The following RGS7 variants were observed in gnomAD, a reference collection of about 807,000 sequenced individuals.
RGS7 encodes the protein regulator of G-protein signaling 7.
Under a neutral mutation model 81.1 loss-of-function variants are expected in RGS7, and 27 were observed. The observed-to-expected ratio is 0.33, with a 90% CI of 0.25 to 0.46. The LOEUF is 0.46. Among genes scored for constraint, RGS7 ranks in the 20% least tolerant of loss-of-function variants. RGS7 has a pLI of 1.00. For synonymous variants in RGS7, 208 were observed against 207.7 expected (o/e 1.00, Z -0.01); for missense variants, 396 against 607.4 (o/e 0.65, Z 3.66).
At chr1:240,850,771 G>A (rs1192086678) in intron 9 of RGS7, among the ~76,000 whole-genome samples, 1 of 152,132 alleles carries the variant, frequency 6.6e-6, no homozygotes. Context: ...TGATAAGAAA[G>A]CAAAACAGCC....
At chr1:240,932,882 T>C (rs935298813) in intron 5 of RGS7, among the ~76,000 whole-genome samples, 10 of 112,258 alleles carry the variant, frequency 8.9e-5, no homozygotes, top group African/African-American at 3.6e-4. Flanking sequence ...CTTTCTTTTT[T>C]TTTTTTTTTT....
At position 241,088,039 on chromosome 1, in the gene RGS7, CACACAT is replaced by C. The variant is rs1246583454; in HGVS notation, c.175+10621_175+10626del. On this transcript the variant is annotated intron_variant, in intron 3 of 18. Transcript: ENST00000440928. ...ATATACACACACACATATATATATA[CACACAT>C]ATATATATATACACACACACACATA... Among the ~76,000 whole-genome samples, 804 of 90,312 alleles carry C rather than the reference CACACAT, an allele frequency of 8.9e-3. 6 individuals are homozygous for C. Among genetic ancestry groups the C allele is most frequent in the African/African-American group, 0.036 (511 of 14,132 alleles). The allele number at this position is 90,312 out of a possible 152,430, so 59.2% of individuals were successfully genotyped here. A position where few individuals can be genotyped will look rare whatever the true frequency, so the allele number is the denominator to read the frequency against.
At chr1:241,214,421 TG>T (rs1188118415) in intron 2 of RGS7, among the ~76,000 whole-genome samples, 5 of 152,032 alleles carry the variant, frequency 3.3e-5, no homozygotes, top group South Asian at 2.1e-4. Context: ...CAATATATAA[TG>T]TTTTTTTTTT....
In RGS7 at chr1:241,332,152, C is replaced by T. The variant is rs113420147; in HGVS notation, c.78+23547G>A. 4.2e-3 allele frequency among the ~76,000 whole-genome samples: 634 copies of T among 152,250 alleles called. 2 individuals are homozygous for T. Among genetic ancestry groups the T allele is most frequent in the Non-Finnish European group, 7.0e-3 (475 of 68,030 alleles). On this transcript the variant is annotated intron_variant, in intron 2 of 18. Coordinates refer to ENST00000440928, the MANE Select transcript of RGS7 (RefSeq NM_001364886.1). ...TCATGCAAGGAACAGTAATGGAAAT[C>T]GTAAGCACAGGACTGGAGTTAAGTG...
At chr1:241,212,227 A>C (rs1279144895) in intron 2 of RGS7, among the ~76,000 whole-genome samples, 1 of 152,180 alleles carries the variant, frequency 6.6e-6, no homozygotes, top group African/African-American at 2.4e-5. Context: ...GTATTCACTT[A>C]TGGTTTATAA....
At chr1:241,342,346 C>T (rs928040420) in intron 2 of RGS7, among the ~76,000 whole-genome samples, 7 of 152,064 alleles carry the variant, frequency 4.6e-5, no homozygotes, top group Non-Finnish European at 7.4e-5. Flanking sequence ...AGATTTAGCA[C>T]GTGCTATTTT....
intron 2 of RGS7, among the ~76,000 whole-genome samples, chr1:241,123,427 A>T: frequency 6.6e-6 from 1 of 152,138 alleles, no homozygotes; most frequent in East Asian, 1.9e-4. Flanking sequence ...TCTCCCTAAG[A>T]TACAATCACT....
rs5782179 is a variant in RGS7 at position 241,227,570 on chromosome 1, CAAAAAAA to C, written c.78+128122_78+128128del. On this transcript the variant is annotated intron_variant, in intron 2 of 18. Transcript: ENST00000440928. ...ACACACAGTGAGACTCTGTCTCTAC[CAAAAAAA>C]AAAAAAAAAAAATAGAACAATTAGC... is the stretch of plus-strand genomic sequence containing the variant. Among the ~76,000 whole-genome samples, 32 of 103,728 alleles carry C rather than the reference CAAAAAAA, an allele frequency of 3.1e-4. 1 individual carries two copies. The highest frequency in any genetic ancestry group is 1.0e-3 in the South Asian group (3 of 2,984). 68.0% of individuals were successfully genotyped at this position (103,728 alleles called of 152,430 possible).
chr1:241,064,144 T>C (rs1235473464), intron 3 of RGS7, among the ~76,000 whole-genome samples: 1 of 144,724 alleles, frequency 6.9e-6, no homozygotes, highest in African/African-American at 2.6e-5. Context: ...GATCATGCCA[T>C]TGCACTCCAG....
intron 3 of RGS7, among the ~76,000 whole-genome samples, chr1:241,091,861 T>C (rs1467641789): frequency 2.0e-5 from 3 of 152,110 alleles, no homozygotes; most frequent in African/African-American, 7.2e-5. Flanking sequence ...TGCTCCAGCC[T>C]GAATGACAGA....
chr1:240,940,880 T>C (rs745434295), intron 4 of RGS7, among the ~76,000 whole-genome samples: 3 of 152,232 alleles, frequency 2.0e-5, no homozygotes, highest in Non-Finnish European at 4.4e-5. Flanking sequence ...TATATACTTA[T>C]AGAGTGCAAA....
At chr1:240,901,262 C>T (rs550158850) in intron 6 of RGS7, among the ~76,000 whole-genome samples, 12 of 152,252 alleles carry the variant, frequency 7.9e-5, no homozygotes, top group African/African-American at 2.9e-4. Flanking sequence ...GATGCCCCAC[C>T]CTGCTTCAGC....
intron 18 of RGS7, among the ~76,000 whole-genome samples, chr1:240,795,621 AAAGCAATGAATAATAAAT>A (rs1346555475): frequency 6.6e-6 from 1 of 152,248 alleles, no homozygotes; most frequent in Non-Finnish European, 1.5e-5. Flanking sequence ...TTGACCTATA[AAAGCAATGAATAATAAAT>A]AAGCAACAAC....
chr1:241,305,428 A>T (rs1475599186), intron 2 of RGS7, among the ~76,000 whole-genome samples: 1 of 152,130 alleles, frequency 6.6e-6, no homozygotes, highest in African/African-American at 2.4e-5. Flanking sequence ...GGATGCAGAG[A>T]ATCGGAGGAC....
In RGS7 at chr1:241,347,885, T is replaced by A. The variant is rs114332063; in HGVS notation, c.78+7814A>T. On this transcript the variant is annotated intron_variant, in intron 2 of 18. Transcript: ENST00000440928. ...TGGTCTATGGTCTTCCTTTAAAAGTTCTGTTGTATTCTCTTGAAAAAAAAA... is the reference window on the plus strand; with the variant it reads ...TGGTCTATGGTCTTCCTTTAAAAGTACTGTTGTATTCTCTTGAAAAAAAAA... Among the ~76,000 whole-genome samples the A allele has an allele frequency of 4.5e-3, 683 of 152,308 alleles. 5 individuals are homozygous for A. Among genetic ancestry groups the A allele is most frequent in the African/African-American group, 0.016 (651 of 41,560 alleles).
At chr1:241,161,996 C>T (rs991685778) in intron 2 of RGS7, among the ~76,000 whole-genome samples, 5 of 152,142 alleles carry the variant, frequency 3.3e-5, no homozygotes. Flanking sequence ...GGATTACAGG[C>T]TTGAGCCACC....
At chr1:240,863,447 C>T (rs1182615175) in intron 9 of RGS7, among the ~76,000 whole-genome samples, 2 of 152,100 alleles carry the variant, frequency 1.3e-5, no homozygotes, top group East Asian at 1.9e-4. Context: ...TGCACTCCAG[C>T]CTGGGCGACA....
At chr1:241,024,369 A>G (rs879871648) in intron 3 of RGS7, among the ~76,000 whole-genome samples, 4 of 152,154 alleles carry the variant, frequency 2.6e-5, no homozygotes, top group Admixed American at 1.3e-4. Flanking sequence ...GATCACAGTA[A>G]TAGTACCTGA....
rs1158887308 is a variant in RGS7 at position 241,144,316 on chromosome 1, T to TCA, written c.79-45556_79-45555dup. On this transcript the variant is annotated intron_variant, in intron 2 of 18. Coordinates refer to ENST00000440928, the MANE Select transcript of RGS7 (RefSeq NM_001364886.1). The surrounding 1 kb of genome is among the most constrained non-coding windows in gnomAD (Gnocchi z 4.7). Reference sequence around the variant, plus strand: ...CAAACTTTTCCTGCAAACGCATCCATCACACACACATGTGGATACGCACAG... The same window carrying TCA: ...CAAACTTTTCCTGCAAACGCATCCATCACACACACACATGTGGATACGCACAG... 2.0e-5 allele frequency among the ~76,000 whole-genome samples: 3 copies of TCA among 152,154 alleles called. No homozygotes were observed. The highest frequency in any genetic ancestry group is 4.4e-5 in the Non-Finnish European group (3 of 68,026).
Sources: gnomAD v4.1 joint callset for allele counts (sites outside exome capture counted in the v4.1 genomes callset) on GRCh38, gnomAD v4.1.1 for gene constraint, Gnocchi (gnomAD v3.1) non-coding constraint, MANE v1.5 for transcripts, NCBI Gene and HGNC (gene_info 2026-07-23, HGNC 2026-07-21) for gene names.